The following SERPINE2 variants were observed in gnomAD, a reference collection of about 807,000 sequenced individuals.
The protein encoded by SERPINE2 is glia-derived nexin.
A neutral mutation model predicts 36.3 loss-of-function variants in SERPINE2; 14 were observed. That is an observed-to-expected ratio of 0.39 (90% confidence interval 0.25 to 0.60). The LOEUF (loss-of-function observed/expected upper bound fraction) is 0.60, where lower values mean the gene tolerates loss of function less well. Among genes scored for constraint, SERPINE2 ranks in the 20% least tolerant of loss-of-function variants. The probability of loss-of-function intolerance (pLI) is 0.57; values close to 1 mark genes in which losing one functional copy is unlikely to be tolerated. For synonymous variants in SERPINE2, 192 were observed against 191.8 expected (o/e 1.00, Z -0.01); for missense variants, 418 against 499.6 (o/e 0.84, Z 1.56).
chr2:224,023,421 T>A (rs1490389333), intron 1 of SERPINE2, among the ~76,000 whole-genome samples: 7 of 152,170 alleles, frequency 4.6e-5, no homozygotes, highest in Non-Finnish European at 8.8e-5. Context: ...TTTATTCTTC[T>A]CCCTTTGGCA....
chr2:223,997,876 G>C (rs1690953789), intron 3 of SERPINE2, among the ~76,000 whole-genome samples: 1 of 152,220 alleles, frequency 6.6e-6, no homozygotes, highest in African/African-American at 2.4e-5. Context: ...AGAGGAGACA[G>C]TGGAGGGGCT....
At chr2:224,035,115 A>G (rs1052600913) in intron 1 of SERPINE2, among the ~76,000 whole-genome samples, 2 of 89,674 alleles carry the variant, frequency 2.2e-5, no homozygotes, top group Admixed American at 1.3e-4. Context: ...CAGCAATAAC[A>G]TGGAAGAGAG....
intron 1 of SERPINE2, among the ~76,000 whole-genome samples, chr2:224,003,125 G>T (rs186344213): frequency 1.3e-5 from 2 of 152,256 alleles, no homozygotes; most frequent in East Asian, 3.9e-4. Context: ...CTGAATGGGG[G>T]AAGGAGCCAG....
At position 224,001,655 on chromosome 2, in the gene SERPINE2, TC is replaced by T. The variant is rs761476965; in HGVS notation, c.245del (p.Arg82AsnfsTer4). 1 of 1,613,858 alleles carries T rather than the reference TC, an allele frequency of 6.2e-7. No individual in the cohort carries two copies. Among genetic ancestry groups the T allele is most frequent in the Non-Finnish European group, 8.5e-7 (1 of 1,179,970 alleles). On this transcript the variant is annotated frameshift_variant, in exon 2 of 9. Transcript: ENST00000409304. LOFTEE classifies it high-confidence loss of function. ...RTKKQLAMVM[R>X]YGVNGVGKIL... ...GTGCACACGCACCATTTACGCCGTATCTCATCACCATGGCGAGCTGCTTCTT... is the reference window on the plus strand; with the variant it reads ...GTGCACACGCACCATTTACGCCGTATTCATCACCATGGCGAGCTGCTTCTT...
At chr2:223,993,091 C>T (rs1690736224) in intron 3 of SERPINE2, among the ~76,000 whole-genome samples, 1 of 151,868 alleles carries the variant, frequency 6.6e-6, no homozygotes, top group African/African-American at 2.4e-5. Flanking sequence ...CACCACTGCA[C>T]TCCAGCCTGG....
At chr2:224,002,431 T>C (rs904082736) in intron 1 of SERPINE2, among the ~76,000 whole-genome samples, 8 of 152,292 alleles carry the variant, frequency 5.3e-5, no homozygotes, top group Middle Eastern at 3.4e-3. Flanking sequence ...CTTCCATCTC[T>C]TGGGTCCTTA....
chr2:223,980,278 A>G (rs756257807), intron 7 of SERPINE2, 33 bp downstream of exon 7: 1 of 1,549,518 alleles, frequency 6.5e-7, no homozygotes. Context: ...CTCCCCTGCT[A>G]GAGGAAGCCC....
At chr2:224,027,419 G>A (rs1360643344) in intron 1 of SERPINE2, among the ~76,000 whole-genome samples, 1 of 152,160 alleles carries the variant, frequency 6.6e-6, no homozygotes, top group Non-Finnish European at 1.5e-5. Flanking sequence ...CTAACTGAGA[G>A]GGAGGGGAGG....
intron 4 of SERPINE2, among the ~76,000 whole-genome samples, chr2:223,988,527 A>G (rs1244833138): frequency 1.3e-5 from 2 of 152,230 alleles, no homozygotes; most frequent in Admixed American, 6.5e-5. Context: ...GTTAAGACGT[A>G]ATGTGAACAG....
intron 1 of SERPINE2, among the ~76,000 whole-genome samples, chr2:224,019,712 T>C (rs973106488): frequency 6.6e-6 from 1 of 150,418 alleles, no homozygotes; most frequent in Non-Finnish European, 1.5e-5. Flanking sequence ...GTGGCCACCA[T>C]CTTATAAGCA....
intron 3 of SERPINE2, among the ~76,000 whole-genome samples, chr2:223,997,655 C>T (rs1285001244): frequency 6.6e-6 from 1 of 152,114 alleles, no homozygotes; most frequent in Non-Finnish European, 1.5e-5. Context: ...AATCATGTGC[C>T]AATCATAACG....
intron 1 of SERPINE2, chr2:224,038,586 G>A: frequency 3.0e-6 from 4 of 1,336,442 alleles, no homozygotes; most frequent in Non-Finnish European, 4.2e-6. Context: ...CAGAGGCCAA[G>A]TTAAAGGCTT....
At chr2:224,004,537 G>A (rs371691936) in intron 1 of SERPINE2, among the ~76,000 whole-genome samples, 8 of 152,256 alleles carry the variant, frequency 5.3e-5, no homozygotes, top group South Asian at 4.1e-4. Context: ...CTAATGCCAC[G>A]ACAATCCCTG....
chr2:224,034,801 C>T (rs757452372), intron 1 of SERPINE2, among the ~76,000 whole-genome samples: 2 of 152,098 alleles, frequency 1.3e-5, no homozygotes, highest in African/African-American at 4.8e-5. Flanking sequence ...AGGGGGGCTG[C>T]GAGGAAGTGG....
At chr2:223,986,768 C>T (rs1388707079) in intron 4 of SERPINE2, among the ~76,000 whole-genome samples, 4 of 152,140 alleles carry the variant, frequency 2.6e-5, no homozygotes, top group Admixed American at 2.6e-4. Context: ...GTTAATCCAT[C>T]CTTGGCTGGA....
rs181381813 is a variant in SERPINE2, at chr2:224,027,649, T to C, written c.-23+11450A>G. Among the ~76,000 whole-genome samples the C allele has an allele frequency of 1.9e-3, 295 of 152,318 alleles. 1 individual carries two copies. Among genetic ancestry groups the C allele is most frequent in the African/African-American group, 7.0e-3 (290 of 41,572 alleles). ...AACTGAGGTAATTTCATTTTTGCTT[T>C]CAGATCCTCTACAGACAATGCTCCC... On this transcript the variant is annotated intron_variant, in intron 1 of 8. Coordinates refer to ENST00000409304, the MANE Select transcript of SERPINE2 (RefSeq NM_001136528.2).
intron 4 of SERPINE2, among the ~76,000 whole-genome samples, chr2:223,991,076 A>C (rs1422515413): frequency 1.3e-5 from 2 of 152,208 alleles, no homozygotes; most frequent in Non-Finnish European, 2.9e-5. Context: ...TGACGTGTGA[A>C]TATAAAGAAA....
intron 4 of SERPINE2, among the ~76,000 whole-genome samples, chr2:223,987,620 A>AT (rs1394890665): frequency 6.6e-6 from 1 of 152,180 alleles, no homozygotes; most frequent in Non-Finnish European, 1.5e-5. Context: ...GAAAATAAGG[A>AT]TTTTCTCTTA....
chr2:224,016,049 G>A (rs1002803156), intron 1 of SERPINE2, among the ~76,000 whole-genome samples: 2 of 152,168 alleles, frequency 1.3e-5, no homozygotes, highest in Non-Finnish European at 2.9e-5. Flanking sequence ...TTAGCCACTG[G>A]GGAAATCCAA....
Sources: allele counts gnomAD v4.1 joint callset (sites outside exome capture counted in the v4.1 genomes callset), GRCh38; gene constraint gnomAD v4.1.1; transcripts MANE v1.5; gene names NCBI Gene and HGNC (gene_info 2026-07-23, HGNC 2026-07-21).